ITGA9: variants seen among roughly 807,000 people sequenced by gnomAD.
ITGA9 encodes the protein integrin subunit alpha 9, also known as integrin alpha-9.
ITGA9 carries 56 observed loss-of-function variants against 127.8 expected under a neutral mutation model. The ratio of observed to expected loss-of-function variants is 0.44; its 90% confidence interval spans 0.35 to 0.55. The LOEUF is 0.55. ITGA9 is among the 20% of genes least tolerant of loss of function. The pLI, the probability that ITGA9 is intolerant of heterozygous loss-of-function variation, is 0.00. For synonymous variants in ITGA9, 508 were observed against 514.5 expected, an observed-to-expected ratio of 0.99 and a Z score of 0.17; for missense variants, 1,196 against 1,347.1, an observed-to-expected ratio of 0.89 and a Z score of 1.76.
intron 8 of ITGA9, among the ~76,000 whole-genome samples, chr3:37,509,548 C>T (rs556772071): frequency 2.0e-5 from 3 of 152,186 alleles, no homozygotes; most frequent in South Asian, 2.1e-4. Flanking sequence ...AACTGCTGTA[C>T]GCCAGCCTAG....
chr3:37,532,130 GGCACT>G (rs373453375), intron 13 of ITGA9, among the ~76,000 whole-genome samples: 3 of 152,222 alleles, frequency 2.0e-5, no homozygotes, highest in Middle Eastern at 3.2e-3. Context: ...CCTTCTTTCA[GGCACT>G]GCTATTGTCT....
In ITGA9 at chr3:37,526,089, T is replaced by TG. The variant is rs1344467181; in HGVS notation, c.1373+19dup. ...CTTCTCAGGTGAGAGGCCCCACTCT[T>TG]GCTCCTTGAATTGTGCTGTTCAGGG... is the stretch of plus-strand genomic sequence containing the variant. On this transcript the variant is annotated intron_variant, in intron 13 of 27. Transcript: ENST00000264741. 6.2e-7 allele frequency: 1 copy of TG among 1,610,838 alleles called. No individual in the cohort carries two copies. The highest frequency in any genetic ancestry group is 1.3e-5 in the African/African-American group (1 of 74,888).
chr3:37,540,970 C>T (rs535615599), intron 14 of ITGA9, among the ~76,000 whole-genome samples: 11 of 152,184 alleles, frequency 7.2e-5, no homozygotes, highest in Admixed American at 1.3e-4. Context: ...TTTGCCAGCT[C>T]GGCATGGCAA....
chr3:37,569,202 A>G (rs1699577729), intron 15 of ITGA9, among the ~76,000 whole-genome samples: 1 of 152,242 alleles, frequency 6.6e-6, no homozygotes, highest in African/African-American at 2.4e-5. Context: ...AGCAGGCAAG[A>G]GAGAGAACTT....
chr3:37,552,663 A>G (rs1699389390), intron 15 of ITGA9, among the ~76,000 whole-genome samples: 1 of 152,176 alleles, frequency 6.6e-6, no homozygotes, highest in Non-Finnish European at 1.5e-5. Context: ...GCGTGTGTGC[A>G]TGCATGTACT....
chr3:37,664,629 A>G (rs1700568183), intron 17 of ITGA9, among the ~76,000 whole-genome samples: 1 of 151,734 alleles, frequency 6.6e-6, no homozygotes, highest in South Asian at 2.1e-4. Flanking sequence ...CATGTTGGTC[A>G]GGCTGGTCTC....
chr3:37,500,995 T>C (rs1698781983), intron 5 of ITGA9, among the ~76,000 whole-genome samples: 1 of 152,178 alleles, frequency 6.6e-6, no homozygotes, highest in South Asian at 2.1e-4. Flanking sequence ...AGAATTTTTT[T>C]CTGAAATACT....
intron 23 of ITGA9, among the ~76,000 whole-genome samples, chr3:37,763,570 C>G (rs1696746374): frequency 6.6e-6 from 1 of 152,180 alleles, no homozygotes; most frequent in South Asian, 2.1e-4. Flanking sequence ...TTGCTGGCAG[C>G]AGCAGTTGAC....
chr3:37,726,988 T>G (rs1242781147), intron 18 of ITGA9, among the ~76,000 whole-genome samples: 1 of 152,238 alleles, frequency 6.6e-6, no homozygotes, highest in Non-Finnish European at 1.5e-5. Context: ...TTTAATACAC[T>G]CAGCCTACGA....
intron 15 of ITGA9, among the ~76,000 whole-genome samples, chr3:37,615,474 G>A (rs569139211): frequency 1.3e-5 from 2 of 152,270 alleles, no homozygotes; most frequent in East Asian, 1.9e-4. Flanking sequence ...GATGATGCTG[G>A]CCTCATAAAA....
At chr3:37,517,218 G>A (rs1470717595) in intron 9 of ITGA9, among the ~76,000 whole-genome samples, 1 of 152,184 alleles carries the variant, frequency 6.6e-6, no homozygotes, top group Non-Finnish European at 1.5e-5. Flanking sequence ...TGTGTGTAGT[G>A]TATTAGGACA....
Position 37,526,051 on chromosome 3 carries a change from C to G in ITGA9, c.1353C>G (p.Ser451=). ...YPDVTVGAFM[S]DSVVLLRARP... Reference sequence around the variant, plus strand: ...ATGTCACTGTTGGAGCCTTCATGTCCGACAGCGTGGTTCTTCTCAGGTGAG... The same window carrying G: ...ATGTCACTGTTGGAGCCTTCATGTCGGACAGCGTGGTTCTTCTCAGGTGAG... Residue 451 remains serine, a synonymous_variant, in exon 13 of 28, where the codon TCC becomes TCG. Coordinates refer to ENST00000264741, the MANE Select transcript of ITGA9 (RefSeq NM_002207.3). The G allele has an allele frequency of 6.2e-7, 1 of 1,614,038 alleles. No homozygotes were observed. Among genetic ancestry groups the G allele is most frequent in the Non-Finnish European group, 8.5e-7 (1 of 1,179,954 alleles).
intron 27 of ITGA9, among the ~76,000 whole-genome samples, chr3:37,810,059 T>C (rs1261617332): frequency 6.6e-6 from 1 of 152,194 alleles, no homozygotes; most frequent in African/African-American, 2.4e-5. Context: ...AGACAGCGGT[T>C]GGCGGGGACA....
chr3:37,651,443 G>A (rs995324787), intron 16 of ITGA9, among the ~76,000 whole-genome samples: 6 of 152,172 alleles, frequency 3.9e-5, no homozygotes, highest in Non-Finnish European at 8.8e-5. Context: ...CCCCATTTGA[G>A]TGGTCACTCT....
At chr3:37,595,005 G>A (rs1313215918) in intron 15 of ITGA9, among the ~76,000 whole-genome samples, 1 of 152,176 alleles carries the variant, frequency 6.6e-6, no homozygotes, top group Non-Finnish European at 1.5e-5. Context: ...AACCAGAGTG[G>A]TGATAATTTC....
chr3:37,527,002 G>C (rs757099063), intron 13 of ITGA9, among the ~76,000 whole-genome samples: 1 of 152,230 alleles, frequency 6.6e-6, no homozygotes, highest in South Asian at 2.1e-4. Context: ...AGGCAGAAGA[G>C]CCTTGAGGTT....
chr3:37,567,720 A>G (rs1559538654), intron 15 of ITGA9, among the ~76,000 whole-genome samples: 1 of 152,178 alleles, frequency 6.6e-6, no homozygotes, highest in Non-Finnish European at 1.5e-5. Flanking sequence ...CCCAGCGGGG[A>G]AGTCAAATCT....
chr3:37,541,208 C>T (rs1699266570), intron 14 of ITGA9, among the ~76,000 whole-genome samples: 1 of 152,298 alleles, frequency 6.6e-6, no homozygotes, highest in South Asian at 2.1e-4. Flanking sequence ...GCAAAGCCCC[C>T]AGATTCTAAG....
At chr3:37,652,569 G>A (rs1243329922) in intron 16 of ITGA9, among the ~76,000 whole-genome samples, 1 of 152,158 alleles carries the variant, frequency 6.6e-6, no homozygotes, top group African/African-American at 2.4e-5. Flanking sequence ...ACTCTGTCTG[G>A]TCGAGTCTAG....
Sources: allele counts gnomAD v4.1 joint callset (sites outside exome capture counted in the v4.1 genomes callset), GRCh38; gene constraint gnomAD v4.1.1; transcripts MANE v1.5; gene names NCBI Gene and HGNC (gene_info 2026-07-23, HGNC 2026-07-21).